The following SNX30 variants were observed in gnomAD, a reference collection of about 807,000 sequenced individuals.
SNX30 encodes sorting nexin-30.
In SNX30, 24 loss-of-function variants were observed where a neutral mutation model predicts 46.4. The observed-to-expected ratio is 0.52, with a 90% CI of 0.37 to 0.73. The LOEUF (loss-of-function observed/expected upper bound fraction) is 0.73. SNX30 is among the 30% of genes least tolerant of loss of function. The pLI is 0.00. For synonymous variants in SNX30, 189 were observed against 211.5 expected, an observed-to-expected ratio of 0.89 and a Z score of 0.92; for missense variants, 533 against 555.7, an observed-to-expected ratio of 0.96 and a Z score of 0.41.
chr9:112,810,043 T>C (rs1187746480), intron 2 of SNX30, among the ~76,000 whole-genome samples: 1 of 152,046 alleles, frequency 6.6e-6, no homozygotes, highest in Non-Finnish European at 1.5e-5. Flanking sequence ...ACTTTTTCCA[T>C]TGTTTGTGGA....
intron 4 of SNX30, among the ~76,000 whole-genome samples, chr9:112,834,835 C>A (rs1225294518): frequency 9.8e-6 from 1 of 101,620 alleles, no homozygotes; most frequent in South Asian, 4.0e-4. Flanking sequence ...TAAACACACA[C>A]ACACACAAAC....
At chr9:112,857,550 C>A (rs1588140643) in intron 7 of SNX30, among the ~76,000 whole-genome samples, 3 of 152,308 alleles carry the variant, frequency 2.0e-5, no homozygotes, top group African/African-American at 7.2e-5. Context: ...GTCCTGGAGC[C>A]TGTCCTACAG....
At chr9:112,772,245 C>A (rs939666814) in intron 1 of SNX30, among the ~76,000 whole-genome samples, 10 of 152,148 alleles carry the variant, frequency 6.6e-5, no homozygotes, top group Non-Finnish European at 2.9e-5. Flanking sequence ...AACTTGTCAA[C>A]AAGTGGAAAT....
rs911644811 is a variant in SNX30 at position 112,869,108 on chromosome 9, C to T, written c.*265C>T. 25 of 421,676 alleles carry T rather than the reference C, an allele frequency of 5.9e-5. No homozygotes were observed. The highest frequency in any genetic ancestry group is 2.1e-4 in the South Asian group (6 of 28,580). The allele number at this position is 421,676 out of a possible 1,614,324, so 26.1% of individuals were successfully genotyped here. ...AAGGCATCTGTTCAGTGAAGCACTA[C>T]GAAAATTTGAAACCAAGGGACAAGA... On this transcript the variant is annotated 3_prime_UTR_variant, in exon 9 of 9. Transcript: ENST00000374232.
At chr9:112,883,675 T>A (rs1841610242), downstream of SNX30, among the ~76,000 whole-genome samples, 1 of 147,004 alleles carries the variant, frequency 6.8e-6, no homozygotes, top group African/African-American at 2.5e-5. Context: ...TGGCTTCTCT[T>A]TTCTGTTTTT....
chr9:112,868,984 C>G lies in SNX30; in HGVS notation c.*141C>G, dbSNP rs1375585400. Reference sequence around the variant, plus strand: ...CCTTTGTGTATTTTTCCCTCCCCCACCTTTCACCCCACAGTGGTTTTCAAT... The same window carrying G: ...CCTTTGTGTATTTTTCCCTCCCCCAGCTTTCACCCCACAGTGGTTTTCAAT... On this transcript the variant is annotated 3_prime_UTR_variant, in exon 9 of 9. Coordinates refer to ENST00000374232, the MANE Select transcript of SNX30 (RefSeq NM_001012994.2). The G allele has an allele frequency of 8.9e-6, 7 of 783,758 alleles. No individual in the cohort carries two copies. The highest frequency in any genetic ancestry group is 2.1e-5 in the Admixed American group (1 of 48,582). 48.6% of individuals were successfully genotyped at this position (783,758 alleles called of 1,614,324 possible). A position where few individuals can be genotyped will look rare whatever the true frequency, so the allele number is the denominator to read the frequency against.
At chr9:112,753,747 A>G (rs760995217) in intron 1 of SNX30, among the ~76,000 whole-genome samples, 2 of 152,206 alleles carry the variant, frequency 1.3e-5, no homozygotes, top group Non-Finnish European at 2.9e-5. Flanking sequence ...CACCATTCTC[A>G]AGGGCCTGAT....
At position 112,836,377 on chromosome 9, in the gene SNX30, G is replaced by C; in HGVS notation, c.782G>C (p.Arg261Pro). 2 of 1,604,224 alleles carry C rather than the reference G, an allele frequency of 1.2e-6. No homozygotes were observed. Among genetic ancestry groups the C allele is most frequent in the Non-Finnish European group, 1.7e-6 (2 of 1,171,556 alleles). ...TFALKLGTID[R>P]IAQRIIKEEI... is the part of the protein sequence containing the mutation. The stretch of plus-strand genomic sequence containing the variant: ...GCACTCAAACTGGGAACCATTGATC[G>C]AATAGCCCAGCGGATCATCAAAGAA... The change falls in exon 5 of 9, where the codon CGA (arginine) becomes CCA (proline). Residue 261 changes from arginine (R) to proline (P), a missense_variant. Around this residue, in one of 3 missense-constraint regions of SNX30, gnomAD observed 261 missense variants for 270.9 expected, o/e 0.96. Coordinates refer to ENST00000374232, the MANE Select transcript of SNX30 (RefSeq NM_001012994.2).
rs74307744 is a variant in SNX30, at chr9:112,851,662, C to G, written c.1101+717C>G. Among the ~76,000 whole-genome samples the G allele has an allele frequency of 2.2e-4, 33 of 152,284 alleles. No homozygotes were observed. In the South Asian group the frequency reaches 6.0e-3, roughly 28 times the overall value. Reference sequence around the variant, plus strand: ...GAATTGTAATGGAGAAAGAGTAATTCGTGCAGAACTAGCTTACTGGACACT... The same window carrying G: ...GAATTGTAATGGAGAAAGAGTAATTGGTGCAGAACTAGCTTACTGGACACT... On this transcript the variant is annotated intron_variant, in intron 7 of 8. Transcript: ENST00000374232.
At chr9:112,772,358 C>G (rs1243843954) in intron 1 of SNX30, among the ~76,000 whole-genome samples, 1 of 152,166 alleles carries the variant, frequency 6.6e-6, no homozygotes, top group African/African-American at 2.4e-5. Context: ...GTAACCAGAT[C>G]CTCCTCTCCA....
intron 3 of SNX30, among the ~76,000 whole-genome samples, chr9:112,819,264 T>TTC (rs1211953249): frequency 2.6e-5 from 2 of 77,344 alleles, no homozygotes; most frequent in Admixed American, 3.2e-4. Flanking sequence ...TTTTCTTTCT[T>TTC]TCTTTTTTTT....
At chr9:112,795,282 C>A (rs967488662) in intron 1 of SNX30, among the ~76,000 whole-genome samples, 1 of 152,022 alleles carries the variant, frequency 6.6e-6, no homozygotes, top group Non-Finnish European at 1.5e-5. Context: ...CCCACTATAC[C>A]CATTTTATAA....
chr9:112,882,736 C>T (rs888752109), downstream of SNX30, among the ~76,000 whole-genome samples: 2 of 151,572 alleles, frequency 1.3e-5, no homozygotes, highest in Admixed American at 6.6e-5. Flanking sequence ...GTGGTGCCGC[C>T]GTTTAATGAG....
rs1480355027 is a variant in SNX30 at position 112,832,667 on chromosome 9, C to A, written c.618+1784C>A. 2.7e-5 allele frequency among the ~76,000 whole-genome samples: 4 copies of A among 149,364 alleles called. No individual in the cohort carries two copies. In the East Asian group the frequency reaches 7.9e-4, roughly 30 times the overall value. ...GGGAGGGATAGCATTAGGAGATATA[C>A]CTAATGCTAAATGACGAGTTAATGG... On this transcript the variant is annotated intron_variant, in intron 4 of 8. Coordinates refer to ENST00000374232, the MANE Select transcript of SNX30 (RefSeq NM_001012994.2).
intron 8 of SNX30, among the ~76,000 whole-genome samples, chr9:112,867,028 CT>C (rs1841363973): frequency 7.7e-6 from 1 of 129,356 alleles, no homozygotes; most frequent in African/African-American, 2.9e-5. Flanking sequence ...CTCAGAATTC[CT>C]CCCACCTCCT....
chr9:112,755,187 G>A (rs967479108), intron 1 of SNX30, among the ~76,000 whole-genome samples: 2 of 152,220 alleles, frequency 1.3e-5, no homozygotes, highest in African/African-American at 4.8e-5. Context: ...GGAAAAAGGA[G>A]AACTGGCCGC....
Position 112,838,528 on chromosome 9 carries a change from C to T in SNX30, c.845C>T (p.Pro282Leu), listed in dbSNP as rs763043976. The change falls in exon 6 of 9, where the codon CCT (proline) becomes CTT (leucine). Residue 282 changes from proline to leucine, a missense_variant. Pro to Leu is a moderately conservative substitution (Grantham distance 98). This residue lies in a region of SNX30 where 261 missense variants were observed against 270.9 expected (regional missense o/e 0.96). Coordinates refer to ENST00000374232, the MANE Select transcript of SNX30 (RefSeq NM_001012994.2). Reference sequence around the variant, plus strand: ...CTTGTGGAGCTGAGAGAATACGGGCCTGTGTACTCCACATGGAGCGCCTTG... The same window carrying T: ...CTTGTGGAGCTGAGAGAATACGGGCTTGTGTACTCCACATGGAGCGCCTTG... ...EYLVELREYGPVYSTWSALEG... is the reference protein window; with the variant it reads ...EYLVELREYGLVYSTWSALEG... 6.2e-7 allele frequency: 1 copy of T among 1,613,966 alleles called. No homozygotes were observed. Among genetic ancestry groups the T allele is most frequent in the South Asian group, 1.1e-5 (1 of 91,068 alleles).
At chr9:112,781,785 C>T (rs1011762051) in intron 1 of SNX30, among the ~76,000 whole-genome samples, 15 of 151,822 alleles carry the variant, frequency 9.9e-5, no homozygotes, top group Non-Finnish European at 1.6e-4. Context: ...GTGCCCACCA[C>T]CACGCTTGGC....
In SNX30 at chr9:112,873,290, G is replaced by A. The variant is rs919654508; in HGVS notation, c.*4447G>A. ...TATTTGTCTCCTATATAAACATTCT[G>A]TGTATTTAGCACTTGAAAATCAACA... is the stretch of plus-strand genomic sequence containing the variant. On this transcript the variant is annotated 3_prime_UTR_variant, in exon 9 of 9. Coordinates refer to ENST00000374232, the MANE Select transcript of SNX30 (RefSeq NM_001012994.2). 3 of 152,086 alleles carry A rather than the reference G, an allele frequency of 2.0e-5. No homozygotes were observed. The highest frequency in any genetic ancestry group is 2.9e-5 in the Non-Finnish European group (2 of 68,032). 9.4% of individuals were successfully genotyped at this position (152,086 alleles called of 1,614,324 possible).
Sources: allele counts gnomAD v4.1 joint callset (sites outside exome capture counted in the v4.1 genomes callset), GRCh38; gene constraint gnomAD v4.1.1; regional missense constraint gnomAD v4.1.1; transcripts MANE v1.5; gene names NCBI Gene and HGNC (gene_info 2026-07-23, HGNC 2026-07-21).